Variants in SEMA3A observed in about 807,000 individuals in gnomAD.
SEMA3A encodes semaphorin 3A.
Under a neutral mutation model 97.9 loss-of-function variants are expected in SEMA3A, and 29 were observed. The ratio of observed to expected loss-of-function variants is 0.30; its 90% CI spans 0.22 to 0.40. SEMA3A has a LOEUF of 0.40. Ranked by LOEUF, SEMA3A falls within the 10% of genes least tolerant of loss-of-function variation. The pLI is 1.00. For missense variants in SEMA3A, 763 were observed against 951.3 expected (o/e 0.80, Z 2.60); for synonymous variants, 321 against 323.7 (o/e 0.99, Z 0.09).
At chr7:84,245,115 T>C (rs543874636) in intron 3 of SEMA3A, among the ~76,000 whole-genome samples, 14 of 152,230 alleles carry the variant, frequency 9.2e-5, no homozygotes, top group Admixed American at 2.0e-4. Context: ...GCTGTATTTC[T>C]TGAATTTGAA....
At chr7:84,409,872 T>C (rs1804211466) in intron 1 of SEMA3A, among the ~76,000 whole-genome samples, 1 of 152,106 alleles carries the variant, frequency 6.6e-6, no homozygotes, top group African/African-American at 2.4e-5. Flanking sequence ...ATTAGATATT[T>C]ATGCATTGCT....
intron 13 of SEMA3A, among the ~76,000 whole-genome samples, chr7:83,982,519 C>T (rs923635789): frequency 5.3e-5 from 8 of 152,070 alleles, no homozygotes; most frequent in Non-Finnish European, 8.8e-5. Flanking sequence ...TTATTGGCAC[C>T]ATAGCTCTCT....
At chr7:84,253,727 A>G (rs1481266572) in intron 3 of SEMA3A, among the ~76,000 whole-genome samples, 2 of 152,130 alleles carry the variant, frequency 1.3e-5, no homozygotes, top group African/African-American at 4.8e-5. Flanking sequence ...AGAGAAAGAT[A>G]AAGATACCTG....
intron 1 of SEMA3A, among the ~76,000 whole-genome samples, chr7:84,166,818 T>C (rs55923950): frequency 0.064 from 9,091 of 142,474 alleles, 616 homozygotes; most frequent in African/African-American, 0.17. Context: ...GAGGCTGCAG[T>C]GAGCCGAGAT....
rs79418133 is a variant in SEMA3A, at chr7:84,453,311, C to T, written c.-246+39149G>A. Among the ~76,000 whole-genome samples, 33 of 150,934 alleles carry T rather than the reference C, an allele frequency of 2.2e-4. No homozygotes were observed. In the East Asian group the frequency reaches 4.7e-3, roughly 22 times the overall value. ...AGTGCAGTGGCGCAATCTCGGCTCA[C>T]TGCAGGCTCCGCCCCCTGGGGTTCA... On this transcript the variant is annotated intron_variant, in intron 1 of 3. Coordinates refer to the SEMA3A transcript ENST00000424555.
chr7:84,480,885 A>G (rs1806426601), intron 1 of SEMA3A, among the ~76,000 whole-genome samples: 1 of 152,042 alleles, frequency 6.6e-6, no homozygotes, highest in African/African-American at 2.4e-5. Context: ...AGGGTAGCAT[A>G]CCAAAAATAA....
intron 1 of SEMA3A, among the ~76,000 whole-genome samples, chr7:84,375,392 CTTAT>C (rs1803073820): frequency 6.6e-6 from 1 of 152,112 alleles, no homozygotes; most frequent in South Asian, 2.1e-4. Context: ...CGTATGCCAC[CTTAT>C]TTGTCTTTCT....
intron 2 of SEMA3A, among the ~76,000 whole-genome samples, chr7:84,367,846 A>G (rs16887703): frequency 0.1 from 15,421 of 151,196 alleles, 1,445 homozygotes; most frequent in African/African-American, 0.22. Flanking sequence ...TGGAGTGTCA[A>G]AAAATTTCCC....
At chr7:84,208,063 C>T (rs1215071870) in intron 3 of SEMA3A, among the ~76,000 whole-genome samples, 1 of 152,068 alleles carries the variant, frequency 6.6e-6, no homozygotes, top group East Asian at 1.9e-4. Context: ...CTTATATATA[C>T]ATGCATGCCT....
chr7:84,099,065 C>CTTTTTTTTT (rs754026184), intron 4 of SEMA3A, among the ~76,000 whole-genome samples: 1 of 92,556 alleles, frequency 1.1e-5, no homozygotes, highest in African/African-American at 3.7e-5. Flanking sequence ...ATTACATTTT[C>CTTTTTTTTT]TTTTTTTTTC....
intron 2 of SEMA3A, among the ~76,000 whole-genome samples, chr7:84,360,606 G>T (rs909815604): frequency 3.9e-5 from 6 of 151,960 alleles, no homozygotes; most frequent in Non-Finnish European, 7.4e-5. Flanking sequence ...AAAACTATTA[G>T]CACATTTTTT....
chr7:84,277,277 T>C lies in SEMA3A; in HGVS notation c.-83+29930A>G, dbSNP rs544337001. ...TGATAGCAGGTTAAAATTGGGAGTA[T>C]TGGTATGAAATCATGGTTTAATATA... On this transcript the variant is annotated intron_variant, in intron 3 of 3. Coordinates refer to the SEMA3A transcript ENST00000424555. Among the ~76,000 whole-genome samples the C allele has an allele frequency of 4.6e-5, 7 of 152,202 alleles. No homozygotes were observed. The South Asian group carries it at 1.0e-3, about 23-fold the overall frequency.
At chr7:84,026,217 T>C (rs1308578873) in intron 6 of SEMA3A, among the ~76,000 whole-genome samples, 2 of 152,140 alleles carry the variant, frequency 1.3e-5, no homozygotes, top group Non-Finnish European at 2.9e-5. Context: ...TGCCCTCAAC[T>C]CTGTACCTTA....
chr7:84,434,046 T>G (rs1805056053), intron 1 of SEMA3A, among the ~76,000 whole-genome samples: 1 of 152,212 alleles, frequency 6.6e-6, no homozygotes, highest in Non-Finnish European at 1.5e-5. Flanking sequence ...GATGATAGTT[T>G]CTTTTGCTGT....
intron 1 of SEMA3A, among the ~76,000 whole-genome samples, chr7:84,412,321 A>T (rs1446637549): frequency 2.0e-5 from 3 of 152,084 alleles, no homozygotes; most frequent in Non-Finnish European, 4.4e-5. Context: ...TCTAATTATG[A>T]CCTACACAAT....
At chr7:84,296,197 T>C (rs1001503071) in intron 3 of SEMA3A, among the ~76,000 whole-genome samples, 5 of 152,138 alleles carry the variant, frequency 3.3e-5, no homozygotes, top group South Asian at 2.1e-4. Flanking sequence ...GTATTTTTTT[T>C]TGTGGTGGTG....
At chr7:84,274,795 T>C (rs904044217) in intron 3 of SEMA3A, among the ~76,000 whole-genome samples, 3 of 152,042 alleles carry the variant, frequency 2.0e-5, no homozygotes, top group Admixed American at 6.6e-5. Flanking sequence ...AATACTTATA[T>C]TGAGACAACT....
At chr7:84,179,020 T>C (rs2116229346) in intron 1 of SEMA3A, among the ~76,000 whole-genome samples, 1 of 152,182 alleles carries the variant, frequency 6.6e-6, no homozygotes. Flanking sequence ...AAGACTTTCC[T>C]GACTTCTTGA....
intron 3 of SEMA3A, among the ~76,000 whole-genome samples, chr7:84,230,742 G>C (rs1799098831): frequency 6.6e-6 from 1 of 151,780 alleles, no homozygotes; most frequent in Admixed American, 6.6e-5. Context: ...CCTCAAGCTT[G>C]TAATCTTGAT....
Sources: gnomAD v4.1 joint callset for allele counts (sites outside exome capture counted in the v4.1 genomes callset) on GRCh38, gnomAD v4.1.1 for gene constraint, MANE v1.5 for transcripts, NCBI Gene and HGNC (gene_info 2026-07-23, HGNC 2026-07-21) for gene names.